Variants in THRB observed in about 807,000 individuals in gnomAD.
THRB encodes thyroid hormone receptor beta.
THRB carries 12 observed loss-of-function variants against 47.8 expected under a neutral mutation model. That is an observed-to-expected ratio of 0.25 (90% CI 0.16 to 0.41). THRB has a LOEUF of 0.41. Among genes scored for constraint, THRB ranks in the 10% least tolerant of loss-of-function variants. THRB has a pLI of 1.00. For synonymous variants in THRB, 218 were observed against 212.2 expected (o/e 1.03, Z -0.24); for missense variants, 348 against 589.2 (o/e 0.59, Z 4.24).
At chr3:24,446,481 T>G (rs2072083673) in intron 1 of THRB, among the ~76,000 whole-genome samples, 1 of 151,986 alleles carries the variant, frequency 6.6e-6, no homozygotes, top group South Asian at 2.1e-4. Flanking sequence ...TTATGTGTGT[T>G]TGTGTGTTTC....
At chr3:24,487,866 T>C (rs1697539905) in intron 1 of THRB, among the ~76,000 whole-genome samples, 2 of 152,194 alleles carry the variant, frequency 1.3e-5, no homozygotes, top group South Asian at 4.1e-4. Flanking sequence ...ATTGCTATCA[T>C]CAATCATTAT....
At chr3:24,341,535 A>G (rs76431671) in intron 1 of THRB, among the ~76,000 whole-genome samples, 5,479 of 152,188 alleles carry the variant, frequency 0.036, 348 homozygotes, top group African/African-American at 0.12. Context: ...TGCCCAGATT[A>G]TAACAAATTT....
chr3:24,253,761 A>T (rs1474396595), intron 3 of THRB, among the ~76,000 whole-genome samples: 1 of 152,174 alleles, frequency 6.6e-6, no homozygotes. Flanking sequence ...GGCCAAATAA[A>T]ACACATCTTG....
In THRB at chr3:24,207,647, C is replaced by T. The variant is rs180813763; in HGVS notation, c.23-17313G>A. Among the ~76,000 whole-genome samples the T allele has an allele frequency of 1.3e-5, 2 of 152,208 alleles. 1 individual carries two copies. Among genetic ancestry groups the T allele is most frequent in the Non-Finnish European group, 2.9e-5 (2 of 68,018 alleles). ...CTTCCTATACCTCAATCATATAGTG[C>T]AGAAACCCCAAAGCCAGCAAAAGAG... On this transcript the variant is annotated intron_variant, in intron 4 of 10. Coordinates refer to ENST00000646209, the MANE Select transcript of THRB (RefSeq NM_001354712.2).
At chr3:24,380,197 C>T (rs2065596416) in intron 1 of THRB, among the ~76,000 whole-genome samples, 1 of 148,364 alleles carries the variant, frequency 6.7e-6, no homozygotes, top group African/African-American at 2.5e-5. Flanking sequence ...CCTCTTTCTC[C>T]CTCTCTTCAT....
At chr3:24,183,226 T>A (rs1463685404) in intron 5 of THRB, among the ~76,000 whole-genome samples, 1 of 152,076 alleles carries the variant, frequency 6.6e-6, no homozygotes, top group East Asian at 1.9e-4. Context: ...CTGGAGGAGG[T>A]GGGCACAAGG....
intron 8 of THRB, among the ~76,000 whole-genome samples, chr3:24,138,642 C>G (rs1461403079): frequency 6.6e-6 from 1 of 152,176 alleles, no homozygotes; most frequent in African/African-American, 2.4e-5. Context: ...ATCCTGCCTT[C>G]TTCTGATGTT....
chr3:24,345,651 T>C (rs2062965179), intron 1 of THRB, among the ~76,000 whole-genome samples: 1 of 152,090 alleles, frequency 6.6e-6, no homozygotes, highest in South Asian at 2.1e-4. Context: ...GAAAGCATGC[T>C]GTAAGTGTTG....
chr3:24,126,633 T>TGAA (rs1308173890), intron 10 of THRB, among the ~76,000 whole-genome samples: 5 of 99,420 alleles, frequency 5.0e-5, no homozygotes, highest in African/African-American at 1.7e-4. Context: ...GAGTGACAAG[T>TGAA]GCCAAAGCAC....
chr3:24,287,160 C>T (rs939642056), intron 3 of THRB, among the ~76,000 whole-genome samples: 6 of 152,148 alleles, frequency 3.9e-5, no homozygotes, highest in African/African-American at 1.4e-4. Context: ...ACACACATTT[C>T]CTTTTCATAT....
chr3:24,365,043 A>G (rs2064354445), intron 1 of THRB, among the ~76,000 whole-genome samples: 2 of 152,196 alleles, frequency 1.3e-5, no homozygotes, highest in Non-Finnish European at 1.5e-5. Context: ...TGGATTTTGT[A>G]TACCTTGTAT....
At chr3:24,284,965 C>G (rs1432151432) in intron 3 of THRB, among the ~76,000 whole-genome samples, 3 of 152,182 alleles carry the variant, frequency 2.0e-5, no homozygotes, top group East Asian at 1.9e-4. Context: ...GAAATAGGAA[C>G]ACTTTTACAC....
intron 1 of THRB, among the ~76,000 whole-genome samples, chr3:24,420,961 A>G (rs1410217533): frequency 2.0e-5 from 3 of 152,004 alleles, no homozygotes; most frequent in Non-Finnish European, 4.4e-5. Context: ...ATGCCCATCA[A>G]TCATAGACTG....
At position 24,364,717 on chromosome 3, in the gene THRB, CAT is replaced by C. The variant is rs1404065475; in HGVS notation, c.-260-27348_-260-27347del. 7.2e-5 allele frequency among the ~76,000 whole-genome samples: 11 copies of C among 152,196 alleles called. No homozygotes were observed. In the South Asian group the frequency reaches 1.0e-3, roughly 14 times the overall value. ...TAGGGAAAGGGCTCTTGGGGGTACT[CAT>C]GTGAAAAATTACAGGGATAAAAATA... On this transcript the variant is annotated intron_variant, in intron 1 of 10. Transcript: ENST00000646209.
intron 3 of THRB, among the ~76,000 whole-genome samples, chr3:24,249,990 C>A (rs1161904899): frequency 6.6e-6 from 1 of 152,184 alleles, no homozygotes; most frequent in East Asian, 1.9e-4. Context: ...GTTACTTTTG[C>A]ACCAACCTAG....
intron 4 of THRB, among the ~76,000 whole-genome samples, chr3:24,196,321 TG>T (rs1176446881): frequency 6.6e-6 from 1 of 152,056 alleles, no homozygotes; most frequent in Non-Finnish European, 1.5e-5. Context: ...TCGTGAGAGG[TG>T]GTCATTAGAG....
At chr3:24,215,937 GCCAA>G (rs2046519467) in intron 4 of THRB, among the ~76,000 whole-genome samples, 1 of 152,088 alleles carries the variant, frequency 6.6e-6, no homozygotes, top group African/African-American at 2.4e-5. Flanking sequence ...AGTGTCACCT[GCCAA>G]CCAAGAACAT....
intron 3 of THRB, among the ~76,000 whole-genome samples, chr3:24,283,613 G>T (rs1350318774): frequency 2.0e-5 from 3 of 147,952 alleles, no homozygotes; most frequent in African/African-American, 7.9e-5. Context: ...GAAATAAAGG[G>T]TATTCAATTA....
At chr3:24,409,097 A>T (rs1361187229) in intron 1 of THRB, among the ~76,000 whole-genome samples, 1 of 151,800 alleles carries the variant, frequency 6.6e-6, no homozygotes, top group Admixed American at 6.6e-5. Flanking sequence ...AAGTGGTGGA[A>T]ATTCCATTCT....
Sources: gnomAD v4.1 joint callset for allele counts (sites outside exome capture counted in the v4.1 genomes callset) on GRCh38, gnomAD v4.1.1 for gene constraint, MANE v1.5 for transcripts, NCBI Gene and HGNC (gene_info 2026-07-23, HGNC 2026-07-21) for gene names.